VWA3B: variants seen among roughly 807,000 people sequenced by gnomAD.
VWA3B encodes the protein von Willebrand factor A domain containing 3B.
VWA3B carries 138 observed loss-of-function variants against 158.3 expected under a neutral mutation model. The ratio of observed to expected loss-of-function variants is 0.87; its 90% CI spans 0.76 to 1.00. The LOEUF is 1.00. Among genes scored for constraint, VWA3B ranks in the 50% least tolerant of loss-of-function variants. The probability of loss-of-function intolerance (pLI) is 0.00; values close to 1 mark genes in which losing one functional copy is unlikely to be tolerated. For synonymous variants in VWA3B, 596 were observed against 587.3 expected, an observed-to-expected ratio of 1.01 and a Z score of -0.21; for missense variants, 1,555 against 1,565.1, an observed-to-expected ratio of 0.99 and a Z score of 0.11.
chr2:98,165,065 C>T (rs1678950773), intron 8 of VWA3B, among the ~76,000 whole-genome samples: 2 of 152,194 alleles, frequency 1.3e-5, no homozygotes, highest in African/African-American at 2.4e-5. Flanking sequence ...TTGATGTCAG[C>T]GCATTCTTTG....
chr2:98,221,806 C>T (rs999913818), intron 14 of VWA3B, among the ~76,000 whole-genome samples: 1 of 152,148 alleles, frequency 6.6e-6, no homozygotes, highest in Non-Finnish European at 1.5e-5. Context: ...ACCCTCCACT[C>T]CTCTCAGGCA....
At chr2:98,219,177 A>C (rs1350068442) in intron 14 of VWA3B, among the ~76,000 whole-genome samples, 1 of 152,210 alleles carries the variant, frequency 6.6e-6, no homozygotes, top group Non-Finnish European at 1.5e-5. Flanking sequence ...ACCCATAATG[A>C]GGAGGAAAAA....
intron 14 of VWA3B, among the ~76,000 whole-genome samples, chr2:98,227,215 A>G (rs1242582507): frequency 2.0e-5 from 3 of 152,196 alleles, no homozygotes; most frequent in Non-Finnish European, 4.4e-5. Context: ...TATAAATTCA[A>G]TGTGCAAAAA....
intron 14 of VWA3B, among the ~76,000 whole-genome samples, chr2:98,223,890 G>A (rs1038225275): frequency 4.0e-5 from 6 of 151,786 alleles, no homozygotes; most frequent in Non-Finnish European, 7.4e-5. Flanking sequence ...GCCACCATGC[G>A]TGGCTAATTT....
At position 98,180,831 on chromosome 2, in the gene VWA3B, C is replaced by T. The variant is rs75580801; in HGVS notation, c.1115-185C>T. Among the ~76,000 whole-genome samples the T allele has an allele frequency of 2.8e-4, 42 of 152,316 alleles. No individual in the cohort carries two copies. In the East Asian group the frequency reaches 7.7e-3, roughly 28 times the overall value. On this transcript the variant is annotated intron_variant, in intron 8 of 27. Transcript: ENST00000477737. ...ATTATTAGGTTGGTGCAAAAGTAGT[C>T]GTGGTTTTTGCCATTAAAAGCCTAA... is the stretch of plus-strand genomic sequence containing the variant.
chr2:98,224,833 A>G (rs1001249788), intron 14 of VWA3B, among the ~76,000 whole-genome samples: 2 of 152,206 alleles, frequency 1.3e-5, no homozygotes, highest in Admixed American at 6.5e-5. Context: ...AGGTTCAACT[A>G]AAAGGATTTT....
chr2:98,163,474 A>T (rs1410831681), intron 8 of VWA3B, among the ~76,000 whole-genome samples: 1 of 152,088 alleles, frequency 6.6e-6, no homozygotes, highest in Non-Finnish European at 1.5e-5. Context: ...GGAGGCAGAG[A>T]TCACAGTGAG....
intron 2 of VWA3B, among the ~76,000 whole-genome samples, chr2:98,102,881 T>A (rs1041994007): frequency 1.5e-4 from 23 of 152,322 alleles, no homozygotes; most frequent in Admixed American, 1.4e-3. Flanking sequence ...TAATAAAAAA[T>A]TCAATTTATT....
chr2:98,128,566 T>C (rs1430224713), intron 6 of VWA3B, among the ~76,000 whole-genome samples, 158 bp downstream of exon 6: 1 of 152,200 alleles, frequency 6.6e-6, no homozygotes, highest in East Asian at 1.9e-4. Flanking sequence ...TTCTTCTCCG[T>C]CTTGTATTAA....
intron 22 of VWA3B, among the ~76,000 whole-genome samples, chr2:98,276,125 C>A (rs965805404): frequency 6.6e-6 from 1 of 152,136 alleles, no homozygotes; most frequent in African/African-American, 2.4e-5. Flanking sequence ...CCCTAGGTAA[C>A]GGGGAGAGGT....
At chr2:98,237,973 C>G (rs1439818270) in intron 19 of VWA3B, among the ~76,000 whole-genome samples, 2 of 151,964 alleles carry the variant, frequency 1.3e-5, no homozygotes, top group Non-Finnish European at 2.9e-5. Context: ...ACTCTTCTTT[C>G]TGCTTTTTTG....
In VWA3B at chr2:98,165,986, A is replaced by G. The variant is rs146018112; in HGVS notation, c.1114+3010A>G. Among the ~76,000 whole-genome samples, 13 of 152,090 alleles carry G rather than the reference A, an allele frequency of 8.5e-5. No individual in the cohort carries two copies. In the East Asian group the frequency reaches 2.5e-3, roughly 29 times the overall value. ...TGTGTGGCCTGAATTGTGCCCCCCC[A>G]GTTCATACAATGAAGCCCCCATCAT... On this transcript the variant is annotated intron_variant, in intron 8 of 27. Transcript: ENST00000477737.
intron 12 of VWA3B, among the ~76,000 whole-genome samples, chr2:98,198,361 T>G (rs1390571817): frequency 6.6e-6 from 1 of 152,196 alleles, no homozygotes; most frequent in Non-Finnish European, 1.5e-5. Flanking sequence ...TTTTTCTGCT[T>G]TAACTTTACA....
In VWA3B at chr2:98,230,988, A is replaced by T. The variant is rs1221655949; in HGVS notation, c.2308+781A>T. ...GACGCACAAAACCAATTGCATTTTGATATACTAACAGTGAACATACAGCAA... is the reference window on the plus strand; with the variant it reads ...GACGCACAAAACCAATTGCATTTTGTTATACTAACAGTGAACATACAGCAA... On this transcript the variant is annotated intron_variant, in intron 16 of 27. Coordinates refer to ENST00000477737, the MANE Select transcript of VWA3B (RefSeq NM_144992.5). Among the ~76,000 whole-genome samples, 191 of 152,350 alleles carry T rather than the reference A, an allele frequency of 1.3e-3. 4 individuals carry two copies. Among genetic ancestry groups the T allele is most frequent in the Non-Finnish European group, 2.9e-4 (20 of 68,042 alleles).
Position 98,236,471 on chromosome 2 carries a change from A to C in VWA3B, c.2510A>C (p.Asp837Ala). Reference protein sequence around the residue: ...KVTREGSQVYDHDSSDVSSEN... With the variant: ...KVTREGSQVYAHDSSDVSSEN... Reference sequence around the variant, plus strand: ...ACGCGAGAAGGAAGCCAGGTTTATGACCACGAGTGAGTTCTTTAATTTGAC... The same window carrying C: ...ACGCGAGAAGGAAGCCAGGTTTATGCCCACGAGTGAGTTCTTTAATTTGAC... Residue 837 changes from aspartate (D) to alanine (A), a missense_variant, in exon 18 of 28, where the codon GAC becomes GCC. Asp to Ala is a moderately radical substitution (Grantham distance 126). Coordinates refer to ENST00000477737, the MANE Select transcript of VWA3B (RefSeq NM_144992.5). The C allele has an allele frequency of 6.2e-7, 1 of 1,614,230 alleles. No individual in the cohort carries two copies. Among genetic ancestry groups the C allele is most frequent in the Non-Finnish European group, 8.5e-7 (1 of 1,180,040 alleles).
chr2:98,306,840 G>T (rs116298665), intron 26 of VWA3B, among the ~76,000 whole-genome samples: 1 of 151,990 alleles, frequency 6.6e-6, no homozygotes, highest in Non-Finnish European at 1.5e-5. Flanking sequence ...ATTGACTCTC[G>T]AGTCCCCCAT....
chr2:98,120,641 G>A (rs942602055), intron 4 of VWA3B, among the ~76,000 whole-genome samples: 2 of 152,212 alleles, frequency 1.3e-5, no homozygotes, highest in African/African-American at 2.4e-5. Context: ...GGGGGCAATC[G>A]GGCCAGTTTA....
intron 7 of VWA3B, among the ~76,000 whole-genome samples, chr2:98,160,633 A>C (rs981580029): frequency 3.9e-5 from 6 of 152,220 alleles, no homozygotes; most frequent in African/African-American, 1.4e-4. Flanking sequence ...GACTCATTTG[A>C]AACTTTTAAG....
At chr2:98,322,947 T>C in the VWA3B span, among the ~76,000 whole-genome samples, 1 of 151,856 alleles carries the variant, frequency 6.6e-6, no homozygotes, top group Non-Finnish European at 1.5e-5. Flanking sequence ...CCTACTAGAA[T>C]TGAAAATAAA....
Sources: allele counts gnomAD v4.1 joint callset (sites outside exome capture counted in the v4.1 genomes callset), GRCh38; gene constraint gnomAD v4.1.1; transcripts MANE v1.5; gene names NCBI Gene and HGNC (gene_info 2026-07-23, HGNC 2026-07-21).